The following IGF2R variants were observed in gnomAD, a reference collection of about 807,000 sequenced individuals.
IGF2R encodes insulin like growth factor 2 receptor, also known as cation-independent mannose-6-phosphate receptor.
IGF2R carries 91 observed loss-of-function variants against 270.6 expected under a neutral mutation model. The ratio of observed to expected loss-of-function variants is 0.34; its 90% confidence interval spans 0.28 to 0.40. The LOEUF (loss-of-function observed/expected upper bound fraction) is 0.40. Among genes scored for constraint, IGF2R ranks in the 10% least tolerant of loss-of-function variants. IGF2R has a pLI of 1.00. For synonymous variants in IGF2R, 1,316 were observed against 1,258.9 expected (o/e 1.05, Z -0.96); for missense variants, 2,805 against 3,188.3 (o/e 0.88, Z 2.90).
At chr6:160,062,464 G>T (rs1330802771) in intron 25 of IGF2R, 68 bp from the exon 26 acceptor site, 1 of 1,237,582 alleles carries the variant, frequency 8.1e-7, no homozygotes, top group Non-Finnish European at 1.2e-6. Context: ...GAGCCACCGT[G>T]CCCGGCCCCA....
At position 160,093,613 on chromosome 6, in the gene IGF2R, C is replaced by T. The variant is rs190061843; in HGVS notation, c.6656-2826C>T. 47 of 706,892 alleles carry T rather than the reference C, an allele frequency of 6.6e-5. No homozygotes were observed. The East Asian group carries it at 1.2e-3, about 18-fold the overall frequency. The allele number at this position is 706,892 out of a possible 1,614,324, so 43.8% of individuals were successfully genotyped here. On this transcript the variant is annotated intron_variant, in intron 44 of 47. Coordinates refer to ENST00000356956, the MANE Select transcript of IGF2R (RefSeq NM_000876.4). ...CAGTGGGGGACTGGATCATCAATGCCTTCCTTCCAGAGGGAGAGGACCAGG... is the reference window on the plus strand; with the variant it reads ...CAGTGGGGGACTGGATCATCAATGCTTTCCTTCCAGAGGGAGAGGACCAGG...
rs139411673 is a variant in IGF2R at position 160,057,496 on chromosome 6, C to A, written c.2797-527C>A. Reference sequence around the variant, plus strand: ...TGCTCAGTGAGGGCAGGATGCCAGGCACCCTGTTCATGGACAATGTTTCTG... The same window carrying A: ...TGCTCAGTGAGGGCAGGATGCCAGGAACCCTGTTCATGGACAATGTTTCTG... On this transcript the variant is annotated intron_variant, in intron 20 of 47. Coordinates refer to ENST00000356956, the MANE Select transcript of IGF2R (RefSeq NM_000876.4). Among the ~76,000 whole-genome samples the A allele has an allele frequency of 4.5e-3, 683 of 152,298 alleles. 3 individuals are homozygous for A. The highest frequency in any genetic ancestry group is 0.014 in the African/African-American group (591 of 41,560).
At chr6:160,019,738 A>G (rs887856351) in intron 4 of IGF2R, among the ~76,000 whole-genome samples, 6 of 152,220 alleles carry the variant, frequency 3.9e-5, no homozygotes, top group African/African-American at 1.2e-4. Context: ...GATACAGAAA[A>G]AGCATTTGAT....
Position 159,991,188 on chromosome 6 carries a change from A to T in IGF2R, c.154A>T (p.Thr52Ser). The T allele has an allele frequency of 6.2e-7, 1 of 1,606,866 alleles. No individual in the cohort carries two copies. Among genetic ancestry groups the T allele is most frequent in the Non-Finnish European group, 8.5e-7 (1 of 1,176,916 alleles). The change falls in exon 2 of 48, where the codon ACA (threonine) becomes TCA (serine). Residue 52 changes from threonine to serine, a missense_variant. Thr to Ser is a moderately conservative substitution (Grantham distance 58). Around this residue, in one of 2 missense-constraint regions of IGF2R, gnomAD observed 954 missense variants for 981.1 expected, o/e 0.97. Transcript: ENST00000356956. ...GTTGTTTTTCTTCCTTTCCAGTTAT[A>T]CATGGGAAGCTGTTGATACCAAAAA... The part of the protein sequence containing the change: ...AAPFPELCSY[T>S]WEAVDTKNNV...
chr6:160,047,024 G>C (rs1420368231), intron 15 of IGF2R, 135 bp from the exon 16 acceptor site: 1 of 752,606 alleles, frequency 1.3e-6, no homozygotes, highest in South Asian at 1.7e-5. Flanking sequence ...ACCTTGTGTG[G>C]GTTCCTGTGG....
At chr6:159,980,545 CTGA>C (rs1428436406) in intron 1 of IGF2R, among the ~76,000 whole-genome samples, 1 of 152,246 alleles carries the variant, frequency 6.6e-6, no homozygotes, top group Non-Finnish European at 1.5e-5. Context: ...CCTCTGCTGT[CTGA>C]TGTTTGGCTC....
Position 160,033,009 on chromosome 6 carries a change from A to C in IGF2R, c.1113A>C (p.Ile371=). Residue 371 remains isoleucine, a synonymous_variant, in exon 9 of 48, where the codon ATA becomes ATC. Coordinates refer to ENST00000356956, the MANE Select transcript of IGF2R (RefSeq NM_000876.4). ...TGAATGTCTGTGGAGAAACTGAAAT[A>C]CAGTTCTGTAATAAAAAACAAGCTG... ...FYLNVCGETE[I]QFCNKKQAAV... The C allele has an allele frequency of 1.2e-6, 2 of 1,605,124 alleles. No homozygotes were observed. Among genetic ancestry groups the C allele is most frequent in the Non-Finnish European group, 1.7e-6 (2 of 1,171,776 alleles).
intron 47 of IGF2R, among the ~76,000 whole-genome samples, chr6:160,104,079 TA>T (rs201023565): frequency 4.7e-5 from 7 of 148,146 alleles, no homozygotes; most frequent in East Asian, 3.9e-4. Flanking sequence ...GGCTGTTCTT[TA>T]AAAAAAAAAC....
chr6:159,996,220 G>GTTATT (rs754050618), intron 2 of IGF2R, among the ~76,000 whole-genome samples: 2 of 152,180 alleles, frequency 1.3e-5, no homozygotes, highest in Non-Finnish European at 2.9e-5. Flanking sequence ...TTCTCAGGAA[G>GTTATT]TTATTTTGTT....
intron 19 of IGF2R, among the ~76,000 whole-genome samples, chr6:160,056,015 T>A (rs1429637522): frequency 6.6e-6 from 1 of 152,182 alleles, no homozygotes; most frequent in Non-Finnish European, 1.5e-5. Flanking sequence ...CTGAGCATCC[T>A]CCTGACCTCT....
chr6:160,089,030 G>A (rs980277767), intron 42 of IGF2R, 77 bp from the exon 43 acceptor site: 18 of 1,474,994 alleles, frequency 1.2e-5, no homozygotes, highest in Admixed American at 7.6e-5. Context: ...CAAGGGCTCC[G>A]CAGTGTTCAT....
chr6:160,017,658 T>C (rs1193059594), intron 4 of IGF2R, among the ~76,000 whole-genome samples: 1 of 152,162 alleles, frequency 6.6e-6, no homozygotes, highest in Non-Finnish European at 1.5e-5. Context: ...AATAGGGGAC[T>C]TCTCAGGAGA....
rs1784079610 is a variant in IGF2R, at chr6:159,998,035, A to G, written c.289+6712A>G. On this transcript the variant is annotated intron_variant, in intron 2 of 47. Transcript: ENST00000356956. This position sits in a 1 kb window ranked among gnomAD's most constrained non-coding sequence, Gnocchi z 4.1. ...GGATTGAGATCTGAGAAAGCACTAG[A>G]TTGTTGTGAATTCTTGGGTCTGACA... Among the ~76,000 whole-genome samples, 1 of 152,142 alleles carries G rather than the reference A, an allele frequency of 6.6e-6. No homozygotes were observed. The highest frequency in any genetic ancestry group is 1.5e-5 in the Non-Finnish European group (1 of 68,030).
chr6:159,986,398 ATT>A lies in IGF2R; in HGVS notation c.150-4782_150-4781del, dbSNP rs1367635413. The stretch of plus-strand genomic sequence containing the variant: ...AAGCGTGCGCGACCATGCCTGGCTA[ATT>A]TTTGTGTGTGTGTGTGTGTGTGTGT... On this transcript the variant is annotated intron_variant, in intron 1 of 47. Transcript: ENST00000356956. Among the ~76,000 whole-genome samples, 6 of 123,872 alleles carry A rather than the reference ATT, an allele frequency of 4.8e-5. No homozygotes were observed. In the East Asian group the frequency reaches 9.5e-4, roughly 20 times the overall value. The allele number at this position is 123,872 out of a possible 152,430, so 81.3% of individuals were successfully genotyped here.
rs558410998 is a variant in IGF2R at position 160,080,820 on chromosome 6, A to C, written c.5833+545A>C. 4.6e-5 allele frequency among the ~76,000 whole-genome samples: 7 copies of C among 152,208 alleles called. No individual in the cohort carries two copies. The South Asian group carries it at 1.5e-3, about 32-fold the overall frequency. On this transcript the variant is annotated intron_variant, in intron 39 of 47. Coordinates refer to ENST00000356956, the MANE Select transcript of IGF2R (RefSeq NM_000876.4). ...ACCGTGAGATGAGGGAAATGCATGAAAAATTACTAATTTTTGGCCAGGCGC... is the reference window on the plus strand; with the variant it reads ...ACCGTGAGATGAGGGAAATGCATGACAAATTACTAATTTTTGGCCAGGCGC...
Position 160,043,283 on chromosome 6 carries a change from C to T in IGF2R, c.1616C>T (p.Ala539Val). The change falls in exon 12 of 48, where the codon GCA becomes GTA. Residue 539 changes from alanine to valine, a missense_variant. Physicochemically the swap from Ala to Val is moderately conservative, Grantham distance 64. This residue lies in a region of IGF2R where 954 missense variants were observed against 981.1 expected (regional missense o/e 0.97). Transcript: ENST00000356956. Reference protein sequence around the residue: ...RGCPEDAAVCAVDKNGSKNLG... With the variant: ...RGCPEDAAVCVVDKNGSKNLG... ...TGTCCCGAGGACGCGGCAGTGTGTG[C>T]AGTGGGTGAGTTGTGCCTGGATGGA... The T allele has an allele frequency of 1.2e-6, 2 of 1,613,442 alleles. No homozygotes were observed. Among genetic ancestry groups the T allele is most frequent in the Non-Finnish European group, 1.7e-6 (2 of 1,179,690 alleles).
At position 160,064,911 on chromosome 6, in the gene IGF2R, TG is replaced by T; in HGVS notation, c.4115+12del. On this transcript the variant is annotated intron_variant, in intron 29 of 47. Transcript: ENST00000356956. ...CTGAATGTTCATTCAAGTAAGTCCA[TG>T]GATGTGTTGTCTCTTTTGGACAGAC... 6.4e-7 allele frequency: 1 copy of T among 1,568,484 alleles called. No homozygotes were observed. Among genetic ancestry groups the T allele is most frequent in the Non-Finnish European group, 8.8e-7 (1 of 1,138,404 alleles).
chr6:160,084,990 T>G lies in IGF2R; in HGVS notation c.6069-5T>G. 2 of 1,610,978 alleles carry G rather than the reference T, an allele frequency of 1.2e-6. No individual in the cohort carries two copies. Among genetic ancestry groups the G allele is most frequent in the South Asian group, 1.1e-5 (1 of 91,012 alleles). On this transcript the variant is annotated splice_polypyrimidine_tract_variant and splice_region_variant and intron_variant, in intron 40 of 47. Transcript: ENST00000356956. The surrounding 1 kb of genome is among the most constrained non-coding windows in gnomAD (Gnocchi z 4.6). ...TTTTACCTGCCCCTTTGTGTCGTTT[T>G]CTAGGTACTATATAAATCTGTGCCA...
At chr6:159,995,191 C>CT (rs995987690) in intron 2 of IGF2R, among the ~76,000 whole-genome samples, 40 of 148,022 alleles carry the variant, frequency 2.7e-4, no homozygotes, top group East Asian at 3.9e-4. Flanking sequence ...ATTTAATGGT[C>CT]TTTTTTTTTT....
Sources: gnomAD v4.1 joint callset for allele counts (sites outside exome capture counted in the v4.1 genomes callset) on GRCh38, gnomAD v4.1.1 for gene constraint, gnomAD v4.1.1 regional missense constraint, Gnocchi (gnomAD v3.1) non-coding constraint, MANE v1.5 for transcripts, NCBI Gene and HGNC (gene_info 2026-07-23, HGNC 2026-07-21) for gene names.